The following AFG3L2 variants were observed in gnomAD, a reference collection of about 807,000 sequenced individuals.
AFG3L2 encodes the protein AFG3 like matrix AAA peptidase subunit 2, also known as mitochondrial inner membrane m-AAA protease component AFG3L2.
In AFG3L2, 54 loss-of-function variants were observed where a neutral mutation model predicts 94.5. That is an observed-to-expected ratio of 0.57 (90% CI 0.46 to 0.72). The LOEUF (loss-of-function observed/expected upper bound fraction) is 0.72. Ranked by LOEUF, AFG3L2 falls within the 30% of genes least tolerant of loss-of-function variation. The probability of loss-of-function intolerance (pLI) is 0.00; values close to 1 mark genes in which losing one functional copy is unlikely to be tolerated. For synonymous variants in AFG3L2, 377 were observed against 365.5 expected (o/e 1.03, Z -0.36); for missense variants, 754 against 994.9 (o/e 0.76, Z 3.26).
intron 13 of AFG3L2, among the ~76,000 whole-genome samples, chr18:12,346,878 T>C (rs1598827005): frequency 9.2e-6 from 1 of 108,120 alleles, no homozygotes; most frequent in South Asian, 3.2e-4. Flanking sequence ...CACTTCAGCC[T>C]GGGGGAGAGG....
At chr18:12,367,488 G>A in intron 3 of AFG3L2, 106 bp from the exon 4 acceptor site, 1 of 1,030,462 alleles carries the variant, frequency 9.7e-7, no homozygotes, top group Non-Finnish European at 1.5e-6. Flanking sequence ...AGAATACACT[G>A]TGGCAACTGA....
Position 12,376,954 on chromosome 18 carries a change from C to T in AFG3L2, c.114+15G>A. On this transcript the variant is annotated intron_variant, in intron 1 of 16. Transcript: ENST00000269143. ...AGGCAGGGTGGAGGGCGCCGGGCGC[C>T]CAGGTAGGACTCACCGTCCGGAGGC... 7.0e-7 allele frequency: 1 copy of T among 1,427,528 alleles called. No homozygotes were observed. The highest frequency in any genetic ancestry group is 9.2e-7 in the Non-Finnish European group (1 of 1,092,198). The allele number at this position is 1,427,528 out of a possible 1,614,324, so 88.4% of individuals were successfully genotyped here.
intron 13 of AFG3L2, among the ~76,000 whole-genome samples, chr18:12,347,378 G>A (rs1428504188): frequency 6.6e-6 from 1 of 152,104 alleles, no homozygotes; most frequent in East Asian, 1.9e-4. Context: ...CCTGGTGCAG[G>A]GCTTCCCCTT....
intron 10 of AFG3L2, among the ~76,000 whole-genome samples, chr18:12,352,490 ACT>A (rs1908348310): frequency 6.6e-6 from 1 of 152,140 alleles, no homozygotes; most frequent in Non-Finnish European, 1.5e-5. Context: ...AAAGACTGCT[ACT>A]CTCTTAGTAA....
At position 12,347,483 on chromosome 18, in the gene AFG3L2, C is replaced by T. The variant is rs145156713; in HGVS notation, c.1663+790G>A. The stretch of plus-strand genomic sequence containing the variant: ...TAAGAAAACGCACTGTGTGCGCTCC[C>T]CCTATGCTGACTGAGGAAGCACTTC... On this transcript the variant is annotated intron_variant, in intron 13 of 16. Coordinates refer to ENST00000269143, the MANE Select transcript of AFG3L2 (RefSeq NM_006796.3). 7.2e-3 allele frequency among the ~76,000 whole-genome samples: 1,090 copies of T among 152,312 alleles called. 7 individuals are homozygous for T. The highest frequency in any genetic ancestry group is 0.011 in the Non-Finnish European group (765 of 68,028).
chr18:12,352,651 C>T (rs576122133), intron 10 of AFG3L2, among the ~76,000 whole-genome samples: 25 of 152,158 alleles, frequency 1.6e-4, no homozygotes, highest in Non-Finnish European at 2.1e-4. Flanking sequence ...CAGACACAAA[C>T]AGCATGTTAA....
intron 3 of AFG3L2, among the ~76,000 whole-genome samples, chr18:12,368,495 G>T (rs1446340008): frequency 6.6e-6 from 1 of 152,224 alleles, no homozygotes; most frequent in Non-Finnish European, 1.5e-5. Context: ...CCCACAGTTG[G>T]TATTCAGCTG....
chr18:12,342,122 T>A (rs1475248410), intron 14 of AFG3L2: 1 of 152,198 alleles, frequency 6.6e-6, no homozygotes, highest in African/African-American at 2.4e-5. Flanking sequence ...TGCCTCGGCG[T>A]CCCAAAGTGC....
intron 9 of AFG3L2, among the ~76,000 whole-genome samples, chr18:12,355,655 A>C (rs1299130859): frequency 2.6e-5 from 4 of 151,790 alleles, no homozygotes; most frequent in African/African-American, 4.8e-5. Flanking sequence ...TAGTTTGCTT[A>C]GGACTCCCGA....
chr18:12,330,313 G>C (rs578074249), intron 16 of AFG3L2, among the ~76,000 whole-genome samples: 17 of 143,128 alleles, frequency 1.2e-4, no homozygotes, highest in African/African-American at 4.3e-4. Context: ...GCGACAGAGC[G>C]AGACTCCTTC....
chr18:12,330,638 C>T (rs1225398083), intron 16 of AFG3L2, among the ~76,000 whole-genome samples: 1 of 151,934 alleles, frequency 6.6e-6, no homozygotes, highest in African/African-American at 2.4e-5. Context: ...ATTAGCCAGG[C>T]GCAGTGGTGG....
At position 12,371,614 on chromosome 18, in the gene AFG3L2, T is replaced by A. The variant is rs1568147254; in HGVS notation, c.192A>T (p.Arg64Ser). Residue 64 changes from arginine to serine, a missense_variant, in exon 2 of 17, where the codon AGA becomes AGT. Transcript: ENST00000269143. The part of the protein sequence containing the change: ...LLTDIIAAYQ[R>S]FCSRPPKGFE... ...TACCTTTTGGGGGTCGAGAACAGAA[T>A]CTTTGATAAGCAGCAATTATATCTG... is the stretch of plus-strand genomic sequence containing the variant. 2 of 1,613,972 alleles carry A rather than the reference T, an allele frequency of 1.2e-6. No individual in the cohort carries two copies. Among genetic ancestry groups the A allele is most frequent in the Non-Finnish European group, 1.7e-6 (2 of 1,180,008 alleles).
chr18:12,357,924 A>T (rs1908543024), intron 8 of AFG3L2, among the ~76,000 whole-genome samples: 1 of 152,216 alleles, frequency 6.6e-6, no homozygotes, highest in Admixed American at 6.5e-5. Context: ...ATTAAGTTGT[A>T]GAGACAGTTA....
chr18:12,329,511 A>T lies in AFG3L2; in HGVS notation c.*54T>A. 1 of 1,551,690 alleles carries T rather than the reference A, an allele frequency of 6.4e-7. No homozygotes were observed. Among genetic ancestry groups the T allele is most frequent in the Non-Finnish European group, 8.9e-7 (1 of 1,124,634 alleles). ...TTCTTCTGAAAGCCACAGCTGAAATAATGCACCAGCTGAAACCACAGTGGA... is the reference window on the plus strand; with the variant it reads ...TTCTTCTGAAAGCCACAGCTGAAATTATGCACCAGCTGAAACCACAGTGGA... On this transcript the variant is annotated 3_prime_UTR_variant, in exon 17 of 17. Transcript: ENST00000269143.
At chr18:12,346,247 C>T (rs2143148080) in intron 13 of AFG3L2, among the ~76,000 whole-genome samples, 1 of 152,228 alleles carries the variant, frequency 6.6e-6, no homozygotes, top group Non-Finnish European at 1.5e-5. Context: ...CAAATGTGAG[C>T]ACTGGGTAAC....
rs1186991915 is a variant in AFG3L2 at position 12,344,183 on chromosome 18, T to C, written c.1728A>G (p.Ala576=). 6.2e-7 allele frequency: 1 copy of C among 1,614,156 alleles called. No homozygotes were observed. The change falls in exon 14 of 17, where the codon GCA becomes GCG. Residue 576 remains alanine, a synonymous_variant. Coordinates refer to ENST00000269143, the MANE Select transcript of AFG3L2 (RefSeq NM_006796.3). Reference sequence around the variant, plus strand: ...GATACCAGCCGGCAACCGCATGGCCTGCTTCGTGGTATGCCACAGTCTTCT... The same window carrying C: ...GATACCAGCCGGCAACCGCATGGCCCGCTTCGTGGTATGCCACAGTCTTCT... ...EEKKTVAYHE[A]GHAVAGWYLE... is the part of the protein sequence containing the mutation.
chr18:12,359,207 C>T (rs1908584385), intron 7 of AFG3L2, among the ~76,000 whole-genome samples: 1 of 152,084 alleles, frequency 6.6e-6, no homozygotes, highest in Admixed American at 6.6e-5. Flanking sequence ...AAGACAACCC[C>T]CAAAGAAGAA....
At chr18:12,375,277 CAG>C (rs1951437171) in intron 1 of AFG3L2, among the ~76,000 whole-genome samples, 1 of 137,086 alleles carries the variant, frequency 7.3e-6, no homozygotes, top group African/African-American at 2.8e-5. Context: ...TTTTAGGAGA[CAG>C]AGTCCGTCAC....
chr18:12,353,850 A>G (rs1005007894), intron 9 of AFG3L2, among the ~76,000 whole-genome samples: 1 of 152,232 alleles, frequency 6.6e-6, no homozygotes, highest in Non-Finnish European at 1.5e-5. Context: ...TAGAGTTCAC[A>G]TTTCATGCCT....
Sources: allele counts gnomAD v4.1 joint callset (sites outside exome capture counted in the v4.1 genomes callset), GRCh38; gene constraint gnomAD v4.1.1; transcripts MANE v1.5; gene names NCBI Gene and HGNC (gene_info 2026-07-23, HGNC 2026-07-21).